The following MYT1L variants were observed in gnomAD, a reference collection of about 807,000 sequenced individuals.
MYT1L encodes myelin transcription factor 1-like protein.
A neutral mutation model predicts 126.7 loss-of-function variants in MYT1L; 12 were observed. The ratio of observed to expected loss-of-function variants is 0.09; its 90% CI spans 0.06 to 0.15. The LOEUF (loss-of-function observed/expected upper bound fraction) is 0.15, where lower values mean the gene tolerates loss of function less well. Among genes scored for constraint, MYT1L ranks in the 10% least tolerant of loss-of-function variants. The pLI, the probability that MYT1L is intolerant of heterozygous loss-of-function variation, is 1.00. For synonymous variants in MYT1L, 541 were observed against 604.2 expected (o/e 0.90, Z 1.53); for missense variants, 979 against 1,585.2 (o/e 0.62, Z 6.49).
intron 4 of MYT1L, among the ~76,000 whole-genome samples, chr2:1,999,447 A>G (rs1244887505): frequency 1.3e-5 from 2 of 152,236 alleles, no homozygotes; most frequent in Non-Finnish European, 2.9e-5. Flanking sequence ...AATAGACAGA[A>G]GCTGGAATTG....
At chr2:2,088,167 A>G (rs371334777) in intron 3 of MYT1L, among the ~76,000 whole-genome samples, 2 of 152,232 alleles carry the variant, frequency 1.3e-5, no homozygotes, top group African/African-American at 4.8e-5. Flanking sequence ...GCCTGACCAC[A>G]GGGGAAAGGC....
intron 2 of MYT1L, among the ~76,000 whole-genome samples, chr2:2,173,894 T>C (rs1247742785): frequency 6.6e-6 from 1 of 152,226 alleles, no homozygotes; most frequent in Non-Finnish European, 1.5e-5. Context: ...CTCTAACAGA[T>C]ACTGTACTTC....
rs544628612 is a variant in MYT1L at position 2,260,458 on chromosome 2, G to A, written c.-421+23946C>T. ...CATAGTGATAAACCAGAAACTGAAT[G>A]CTGTGCTTGTGAGTTACTATTTCAC... On this transcript the variant is annotated intron_variant, in intron 2 of 24. Transcript: ENST00000647738. 5.6e-4 allele frequency among the ~76,000 whole-genome samples: 86 copies of A among 152,302 alleles called. No homozygotes were observed. In the South Asian group the frequency reaches 8.9e-3, roughly 16 times the overall value.
intron 1 of MYT1L, among the ~76,000 whole-genome samples, chr2:2,290,372 G>A (rs59434587): frequency 0.074 from 11,207 of 152,182 alleles, 596 homozygotes; most frequent in African/African-American, 0.15. Context: ...GTCTGAAGTC[G>A]CTGGATGACC....
At chr2:2,238,156 G>C (rs992905520) in intron 2 of MYT1L, among the ~76,000 whole-genome samples, 1 of 152,142 alleles carries the variant, frequency 6.6e-6, no homozygotes, top group Non-Finnish European at 1.5e-5. Flanking sequence ...ATGGGGTCAG[G>C]GGGTGGTGGG....
intron 4 of MYT1L, among the ~76,000 whole-genome samples, chr2:2,013,435 T>C (rs1333298303): frequency 1.3e-5 from 2 of 152,208 alleles, no homozygotes; most frequent in Non-Finnish European, 2.9e-5. Flanking sequence ...CCTCACCTGG[T>C]GAGCCAGGAC....
At chr2:1,854,115 T>C (rs777315717) in intron 18 of MYT1L, among the ~76,000 whole-genome samples, 1 of 152,142 alleles carries the variant, frequency 6.6e-6, no homozygotes, top group Non-Finnish European at 1.5e-5. Context: ...ACTGGATTAA[T>C]AAAATTTGGG....
chr2:2,022,674 G>C (rs922458677), intron 4 of MYT1L, among the ~76,000 whole-genome samples: 1 of 150,922 alleles, frequency 6.6e-6, no homozygotes, highest in African/African-American at 2.4e-5. Context: ...CTGCTCTAAA[G>C]CTTTTTAATA....
intron 8 of MYT1L, among the ~76,000 whole-genome samples, chr2:1,957,871 ATTTTTTG>A (rs1478618667): frequency 6.6e-6 from 1 of 151,932 alleles, no homozygotes; most frequent in East Asian, 1.9e-4. Context: ...TGTGTTATTT[ATTTTTTG>A]TTTTTGTTTT....
chr2:2,156,025 C>T (rs1324707256), intron 3 of MYT1L, among the ~76,000 whole-genome samples: 3 of 152,136 alleles, frequency 2.0e-5, no homozygotes, highest in Non-Finnish European at 4.4e-5. Context: ...AATCACTAAG[C>T]ACTCTCGGCT....
chr2:2,129,363 T>G (rs937301047), intron 3 of MYT1L, among the ~76,000 whole-genome samples: 2 of 152,194 alleles, frequency 1.3e-5, no homozygotes, highest in Non-Finnish European at 2.9e-5. Flanking sequence ...GGGCTTACTA[T>G]AAAGCTAATG....
intron 2 of MYT1L, among the ~76,000 whole-genome samples, chr2:2,191,811 G>T (rs1397949714): frequency 6.6e-6 from 1 of 152,184 alleles, no homozygotes; most frequent in Non-Finnish European, 1.5e-5. Context: ...TTAAGCAGAA[G>T]ATGGCCTAGA....
chr2:2,132,549 G>C (rs1186038355), intron 3 of MYT1L, among the ~76,000 whole-genome samples: 1 of 109,138 alleles, frequency 9.2e-6, no homozygotes. Flanking sequence ...ACAGAGAGGG[G>C]AACATCACAC....
intron 3 of MYT1L, among the ~76,000 whole-genome samples, chr2:2,146,414 T>C (rs2084885420): frequency 6.6e-6 from 1 of 151,950 alleles, no homozygotes; most frequent in African/African-American, 2.4e-5. Context: ...ACGATAGAAG[T>C]GAGTGTGGGT....
intron 1 of MYT1L, among the ~76,000 whole-genome samples, chr2:2,290,357 C>A (rs550202338): frequency 6.6e-6 from 1 of 152,134 alleles, no homozygotes; most frequent in Admixed American, 6.6e-5. Context: ...TCTTTATTTG[C>A]GCAAGTCTGA....
chr2:1,850,699 A>G (rs1572862356), intron 19 of MYT1L, among the ~76,000 whole-genome samples: 3 of 152,024 alleles, frequency 2.0e-5, no homozygotes, highest in Admixed American at 2.0e-4. Context: ...ACAATTCCCC[A>G]CCATCAGTGT....
intron 3 of MYT1L, among the ~76,000 whole-genome samples, chr2:2,054,464 G>A (rs540981065): frequency 7.2e-5 from 11 of 151,940 alleles, no homozygotes; most frequent in East Asian, 3.9e-4. Flanking sequence ...TCATAGAGAC[G>A]CATGGGGATG....
intron 10 of MYT1L, among the ~76,000 whole-genome samples, chr2:1,921,733 C>T (rs1371266651): frequency 1.3e-5 from 2 of 152,182 alleles, no homozygotes; most frequent in Admixed American, 1.3e-4. Flanking sequence ...AATTAATGTG[C>T]AGTCACTGCC....
At chr2:2,028,739 T>C (rs2065905614) in intron 4 of MYT1L, among the ~76,000 whole-genome samples, 2 of 152,164 alleles carry the variant, frequency 1.3e-5, no homozygotes, top group South Asian at 4.1e-4. Context: ...TCAATAGACT[T>C]TTCCTGGGAA....
Sources: allele counts gnomAD v4.1 joint callset (sites outside exome capture counted in the v4.1 genomes callset), GRCh38; gene constraint gnomAD v4.1.1; transcripts MANE v1.5; gene names NCBI Gene and HGNC (gene_info 2026-07-23, HGNC 2026-07-21).